Variants in ABCC4 observed in about 807,000 individuals in gnomAD.
The protein encoded by ABCC4 is ATP-binding cassette sub-family C member 4.
ABCC4 carries 102 observed loss-of-function variants against 168.5 expected under a neutral mutation model. That is an observed-to-expected ratio of 0.61 (90% confidence interval 0.52 to 0.71). The LOEUF is 0.71. Ranked by LOEUF, ABCC4 falls within the 30% of genes least tolerant of loss-of-function variation. ABCC4 has a pLI of 0.00. For synonymous variants in ABCC4, 617 were observed against 590.7 expected, an observed-to-expected ratio of 1.04 and a Z score of -0.65; for missense variants, 1,402 against 1,605.8, an observed-to-expected ratio of 0.87 and a Z score of 2.17.
intron 30 of ABCC4, among the ~76,000 whole-genome samples, chr13:95,025,299 ATACG>A (rs1566351366): frequency 4.7e-4 from 4 of 8,472 alleles, no homozygotes; most frequent in African/African-American, 1.9e-3. Flanking sequence ...ACACACCCAC[ATACG>A]CCCACCCCCC....
intron 1 of ABCC4, among the ~76,000 whole-genome samples, chr13:95,249,301 C>T (rs1463559264): frequency 6.6e-6 from 1 of 151,902 alleles, no homozygotes; most frequent in Non-Finnish European, 1.5e-5. Flanking sequence ...TACTCAATTA[C>T]ACAAACTTCT....
At chr13:95,208,842 A>T (rs2038865036) in intron 6 of ABCC4, among the ~76,000 whole-genome samples, 1 of 151,368 alleles carries the variant, frequency 6.6e-6, no homozygotes, top group African/African-American at 2.4e-5. Context: ...CAGGTCTCAA[A>T]CTCCTGGCCT....
In ABCC4 at chr13:95,222,514, G is replaced by A. The variant is rs969440652; in HGVS notation, c.532-11733C>T. ...ACAGTAAGCAGGTATCAGAAGGGAAGGGCCCCAGAAGGCTGTGGGGTGGGG... is the reference window on the plus strand; with the variant it reads ...ACAGTAAGCAGGTATCAGAAGGGAAAGGCCCCAGAAGGCTGTGGGGTGGGG... On this transcript the variant is annotated intron_variant, in intron 4 of 30. Coordinates refer to ENST00000645237, the MANE Select transcript of ABCC4 (RefSeq NM_005845.5). Among the ~76,000 whole-genome samples, 38 of 152,208 alleles carry A rather than the reference G, an allele frequency of 2.5e-4. 1 individual carries two copies. The highest frequency in any genetic ancestry group is 9.2e-4 in the African/African-American group (38 of 41,464).
chr13:95,256,840 G>A (rs2040404774), intron 1 of ABCC4, among the ~76,000 whole-genome samples: 1 of 151,956 alleles, frequency 6.6e-6, no homozygotes, highest in Non-Finnish European at 1.5e-5. Flanking sequence ...TCTTCCAAAC[G>A]ATTAAACTTC....
At chr13:95,268,889 C>A (rs920269171) in intron 1 of ABCC4, among the ~76,000 whole-genome samples, 2 of 152,078 alleles carry the variant, frequency 1.3e-5, no homozygotes, top group Admixed American at 6.6e-5. Context: ...GCGGCGGTCC[C>A]CTGGGCCCAC....
intron 25 of ABCC4, among the ~76,000 whole-genome samples, chr13:95,067,716 G>C (rs1390558294): frequency 6.6e-6 from 1 of 152,032 alleles, no homozygotes; most frequent in African/African-American, 2.4e-5. Flanking sequence ...TAAAAAAGGA[G>C]AGAATATAAG....
chr13:95,099,124 A>G (rs2034710099), intron 20 of ABCC4, among the ~76,000 whole-genome samples: 1 of 152,220 alleles, frequency 6.6e-6, no homozygotes, highest in Non-Finnish European at 1.5e-5. Context: ...ATACCCATCA[A>G]TCAGAGAGTA....
At chr13:95,298,883 G>A (rs2041603902) in intron 1 of ABCC4, among the ~76,000 whole-genome samples, 1 of 152,098 alleles carries the variant, frequency 6.6e-6, no homozygotes, top group South Asian at 2.1e-4. Flanking sequence ...AGGGAAACCG[G>A]AAATGAACAC....
Position 95,037,077 on chromosome 13 carries a change from CTG to C in ABCC4, c.3736-2340_3736-2339del, listed in dbSNP as rs1165039969. On this transcript the variant is annotated intron_variant, in intron 29 of 30. Transcript: ENST00000645237. Reference sequence around the variant, plus strand: ...CCAGCCTGGGCAACAGAGTGAGACTCTGTGTCCAAAAAAAAAAAAAAAAAACC... The same window carrying C: ...CCAGCCTGGGCAACAGAGTGAGACTCTGTCCAAAAAAAAAAAAAAAAAACC... Among the ~76,000 whole-genome samples the C allele has an allele frequency of 7.1e-4, 51 of 72,070 alleles. 1 individual carries two copies. Among genetic ancestry groups the C allele is most frequent in the African/African-American group, 3.0e-3 (50 of 16,512 alleles). 47.3% of individuals were successfully genotyped at this position (72,070 alleles called of 152,430 possible). A position where few individuals can be genotyped will look rare whatever the true frequency, so the allele number is the denominator to read the frequency against.
rs184172187 is a variant in ABCC4, at chr13:95,025,009, T to C, written c.3871-3327A>G. Reference sequence around the variant, plus strand: ...ACAATCATAGGAATTCTCCAGTTAATTGGAGGAGCGCTAAGGTATGTCAAT... The same window carrying C: ...ACAATCATAGGAATTCTCCAGTTAACTGGAGGAGCGCTAAGGTATGTCAAT... On this transcript the variant is annotated intron_variant, in intron 30 of 30. Coordinates refer to ENST00000645237, the MANE Select transcript of ABCC4 (RefSeq NM_005845.5). Among the ~76,000 whole-genome samples, 15 of 152,074 alleles carry C rather than the reference T, an allele frequency of 9.9e-5. No homozygotes were observed. The East Asian group carries it at 2.7e-3, about 27-fold the overall frequency.
intron 4 of ABCC4, among the ~76,000 whole-genome samples, chr13:95,230,078 A>T (rs1041085613): frequency 3.3e-5 from 5 of 152,238 alleles, no homozygotes; most frequent in African/African-American, 1.2e-4. Context: ...CGACATTCTA[A>T]CATGAGCAAG....
chr13:95,044,533 C>G, intron 27 of ABCC4, 95 bp from the exon 28 acceptor site: 1 of 1,125,746 alleles, frequency 8.9e-7, no homozygotes, highest in Non-Finnish European at 1.2e-6. Context: ...TCCCTTCTCT[C>G]GAGAGATATA....
intron 20 of ABCC4, among the ~76,000 whole-genome samples, chr13:95,099,189 C>T (rs895834008): frequency 6.6e-6 from 1 of 151,980 alleles, no homozygotes; most frequent in African/African-American, 2.4e-5. Context: ...AAAAAGAAAA[C>T]AAAGAAATGA....
At chr13:95,087,136 G>T (rs1033386867) in intron 20 of ABCC4, among the ~76,000 whole-genome samples, 2 of 152,026 alleles carry the variant, frequency 1.3e-5, no homozygotes, top group Non-Finnish European at 2.9e-5. Context: ...TTTTTGATCA[G>T]TAAGGTGTTT....
chr13:95,252,454 T>C (rs1245324813), intron 1 of ABCC4, among the ~76,000 whole-genome samples: 2 of 152,152 alleles, frequency 1.3e-5, no homozygotes, highest in Admixed American at 1.3e-4. Flanking sequence ...GGCAGGTGGA[T>C]TGCCTGAGGT....
At chr13:95,024,199 A>C in intron 30 of ABCC4, among the ~76,000 whole-genome samples, 1 of 124,882 alleles carries the variant, frequency 8.0e-6, no homozygotes, top group African/African-American at 3.1e-5. Context: ...AGAGTGAGAG[A>C]CTGTCTCAAA....
At chr13:95,223,212 T>A (rs1476279684) in intron 4 of ABCC4, among the ~76,000 whole-genome samples, 2 of 152,180 alleles carry the variant, frequency 1.3e-5, no homozygotes, top group Non-Finnish European at 2.9e-5. Flanking sequence ...CTTTTTAGAA[T>A]TATCAGAAGT....
chr13:95,067,521 G>C (rs1478908133), intron 25 of ABCC4, among the ~76,000 whole-genome samples: 1 of 152,036 alleles, frequency 6.6e-6, no homozygotes, highest in Non-Finnish European at 1.5e-5. Context: ...GGGCAGGAGT[G>C]GGGGTGGTTC....
intron 10 of ABCC4, among the ~76,000 whole-genome samples, chr13:95,187,951 G>C (rs1000496398): frequency 1.3e-5 from 2 of 152,156 alleles, no homozygotes; most frequent in Admixed American, 6.5e-5. Flanking sequence ...CTTCTGGAGG[G>C]CAGTGGCGTC....
Sources: allele counts gnomAD v4.1 joint callset (sites outside exome capture counted in the v4.1 genomes callset), GRCh38; gene constraint gnomAD v4.1.1; transcripts MANE v1.5; gene names NCBI Gene and HGNC (gene_info 2026-07-23, HGNC 2026-07-21).